The following ST6GALNAC3 variants were observed in gnomAD, a reference collection of about 807,000 sequenced individuals.
The protein encoded by ST6GALNAC3 is ST6 N-acetylgalactosaminide alpha-2,6-sialyltransferase 3.
ST6GALNAC3 carries 25 observed loss-of-function variants against 32.7 expected under a neutral mutation model. The ratio of observed to expected loss-of-function variants is 0.76; its 90% CI spans 0.56 to 1.07. The LOEUF (loss-of-function observed/expected upper bound fraction) is 1.07. Among genes scored for constraint, ST6GALNAC3 ranks in the 50% least tolerant of loss-of-function variants. The pLI, the probability that ST6GALNAC3 is intolerant of heterozygous loss-of-function variation, is 0.00. For missense variants in ST6GALNAC3, 355 were observed against 382.4 expected, an observed-to-expected ratio of 0.93 and a Z score of 0.60; for synonymous variants, 129 against 133.1, an observed-to-expected ratio of 0.97 and a Z score of 0.21.
intron 3 of ST6GALNAC3, among the ~76,000 whole-genome samples, chr1:76,422,025 T>A (rs1414059009): frequency 6.6e-6 from 1 of 152,002 alleles, no homozygotes; most frequent in African/African-American, 2.4e-5. Context: ...CTTATAGCAT[T>A]ACCTTCTAAC....
chr1:76,373,688 A>C (rs1358828774), intron 2 of ST6GALNAC3, among the ~76,000 whole-genome samples: 4 of 152,174 alleles, frequency 2.6e-5, no homozygotes, highest in African/African-American at 2.4e-5. Context: ...AATTTGGTTC[A>C]GGTACATCAT....
At chr1:76,612,182 G>A (rs955201910) in intron 3 of ST6GALNAC3, among the ~76,000 whole-genome samples, 1 of 152,132 alleles carries the variant, frequency 6.6e-6, no homozygotes, top group Non-Finnish European at 1.5e-5. Flanking sequence ...GACATCTTGG[G>A]AGGTGAGGCC....
rs185559085 is a variant in ST6GALNAC3 at position 76,539,743 on chromosome 1, A to T, written c.624-87709A>T. The stretch of plus-strand genomic sequence containing the variant: ...AAAAGAAGACATTTATGCAGCCAAC[A>T]AACAGGAAAAAAATCTCCACATCAA... On this transcript the variant is annotated intron_variant, in intron 3 of 4. Transcript: ENST00000328299. 1.2e-3 allele frequency among the ~76,000 whole-genome samples: 189 copies of T among 152,332 alleles called. 1 individual carries two copies. The highest frequency in any genetic ancestry group is 2.5e-3 in the South Asian group (12 of 4,828).
At chr1:76,233,758 G>A (rs1656496232) in intron 1 of ST6GALNAC3, among the ~76,000 whole-genome samples, 1 of 152,042 alleles carries the variant, frequency 6.6e-6, no homozygotes, top group South Asian at 2.1e-4. Context: ...AAACTTAGGG[G>A]TACAAGTGCA....
intron 3 of ST6GALNAC3, among the ~76,000 whole-genome samples, chr1:76,462,672 C>A (rs187564832): frequency 6.6e-6 from 1 of 152,210 alleles, no homozygotes; most frequent in East Asian, 1.9e-4. Context: ...AAGTCACACA[C>A]TAGGACATCA....
At chr1:76,164,415 G>C (rs1651998092) in intron 1 of ST6GALNAC3, among the ~76,000 whole-genome samples, 1 of 152,166 alleles carries the variant, frequency 6.6e-6, no homozygotes, top group Admixed American at 6.5e-5. Context: ...GCTTTTAGTA[G>C]ATGGTAGCTA....
At chr1:76,510,307 A>G (rs1337013926) in intron 3 of ST6GALNAC3, among the ~76,000 whole-genome samples, 6 of 152,134 alleles carry the variant, frequency 3.9e-5, no homozygotes, top group African/African-American at 7.2e-5. Context: ...TACGTGTAAG[A>G]TATTGTGGCC....
downstream of ST6GALNAC3, chr1:76,636,811 C>T (rs1010377416): frequency 1.3e-5 from 2 of 152,046 alleles, no homozygotes; most frequent in Non-Finnish European, 2.9e-5. Flanking sequence ...TTAGTTTGTC[C>T]ATTGAGAAAG....
rs1163505684 is a variant in ST6GALNAC3 at position 76,412,461 on chromosome 1, T to C, written c.623+44T>C. The C allele has an allele frequency of 3.3e-6, 5 of 1,530,798 alleles. No homozygotes were observed. In the Admixed American group the frequency reaches 6.6e-5, roughly 20 times the overall value. 94.8% of individuals were successfully genotyped at this position (1,530,798 alleles called of 1,614,324 possible). A position where few individuals can be genotyped will look rare whatever the true frequency, so the allele number is the denominator to read the frequency against. On this transcript the variant is annotated intron_variant, in intron 3 of 4. Transcript: ENST00000328299. ...AGCTTTATTGTCTTTTATTATCTTT[T>C]ATGCTAAATCTTCGCCAATTCCTTT... is the stretch of plus-strand genomic sequence containing the variant.
At chr1:76,626,738 A>G (rs1648991363) in intron 3 of ST6GALNAC3, among the ~76,000 whole-genome samples, 1 of 151,812 alleles carries the variant, frequency 6.6e-6, no homozygotes, top group African/African-American at 2.4e-5. Context: ...CAAACTTTAT[A>G]ATATAGCTAC....
At chr1:76,432,155 C>T (rs1655801099) in intron 3 of ST6GALNAC3, among the ~76,000 whole-genome samples, 1 of 152,012 alleles carries the variant, frequency 6.6e-6, no homozygotes, top group Non-Finnish European at 1.5e-5. Flanking sequence ...CTTATTACAC[C>T]CATTTAAAGT....
At chr1:76,272,292 C>A (rs1658890781) in intron 1 of ST6GALNAC3, among the ~76,000 whole-genome samples, 1 of 135,702 alleles carries the variant, frequency 7.4e-6, no homozygotes. Context: ...CACTGCATTT[C>A]AGCCTGGGTG....
chr1:76,519,750 T>C (rs1662397359), intron 3 of ST6GALNAC3, among the ~76,000 whole-genome samples: 1 of 151,842 alleles, frequency 6.6e-6, no homozygotes, highest in African/African-American at 2.4e-5. Context: ...ATTATTCTAG[T>C]TTCAACTATT....
chr1:76,439,670 G>C (rs981413398), intron 3 of ST6GALNAC3, among the ~76,000 whole-genome samples: 1 of 152,028 alleles, frequency 6.6e-6, no homozygotes, highest in African/African-American at 2.4e-5. Flanking sequence ...TTTTTATCTG[G>C]GTTCATGCAG....
At chr1:76,082,073 C>G (rs905897388) in intron 1 of ST6GALNAC3, among the ~76,000 whole-genome samples, 27 of 152,188 alleles carry the variant, frequency 1.8e-4, no homozygotes, top group African/African-American at 6.0e-4. Context: ...AACAGGGAAG[C>G]CTATTAAGCT....
At chr1:76,314,281 C>A (rs75148714) in intron 2 of ST6GALNAC3, among the ~76,000 whole-genome samples, 1,582 of 152,250 alleles carry the variant, frequency 0.01, 31 homozygotes, top group African/African-American at 0.035. Context: ...ACGTACATAT[C>A]TCTCCATTTA....
chr1:76,090,653 C>G (rs529018633), intron 1 of ST6GALNAC3, among the ~76,000 whole-genome samples: 104 of 152,310 alleles, frequency 6.8e-4, no homozygotes, highest in African/African-American at 2.4e-3. Flanking sequence ...CCTTTCCAGT[C>G]TCCTCCAAGG....
intron 2 of ST6GALNAC3, among the ~76,000 whole-genome samples, chr1:76,366,568 G>T (rs189304391): frequency 6.6e-6 from 1 of 152,114 alleles, no homozygotes; most frequent in Non-Finnish European, 1.5e-5. Context: ...TGGCTTGACC[G>T]CTTCCATATG....
At chr1:76,139,523 T>C (rs1557648060) in intron 1 of ST6GALNAC3, among the ~76,000 whole-genome samples, 2 of 152,202 alleles carry the variant, frequency 1.3e-5, no homozygotes, top group Non-Finnish European at 2.9e-5. Context: ...TTTATCCCTA[T>C]AGGAAGCCAA....
Sources: gnomAD v4.1 joint callset for allele counts (sites outside exome capture counted in the v4.1 genomes callset) on GRCh38, gnomAD v4.1.1 for gene constraint, MANE v1.5 for transcripts, NCBI Gene and HGNC (gene_info 2026-07-23, HGNC 2026-07-21) for gene names.